The following GLYR1 variants were observed in gnomAD, a reference collection of about 807,000 sequenced individuals.
The protein encoded by GLYR1 is glyoxylate reductase 1 homolog.
Under a neutral mutation model 72.7 loss-of-function variants are expected in GLYR1, and 21 were observed. The observed-to-expected ratio is 0.29, with a 90% CI of 0.20 to 0.42. GLYR1 has a LOEUF of 0.42. GLYR1 is among the 10% of genes least tolerant of loss of function. The probability of loss-of-function intolerance (pLI) is 1.00; values close to 1 mark genes in which losing one functional copy is unlikely to be tolerated. For synonymous variants in GLYR1, 392 were observed against 270.2 expected, an observed-to-expected ratio of 1.45 and a Z score of -4.42; for missense variants, 594 against 712.1, an observed-to-expected ratio of 0.83 and a Z score of 1.89.
At chr16:4,816,273 A>T (rs2083636325) in intron 10 of GLYR1, among the ~76,000 whole-genome samples, 1 of 151,956 alleles carries the variant, frequency 6.6e-6, no homozygotes, top group Non-Finnish European at 1.5e-5. Context: ...CCTCCCAAGT[A>T]GCTGGGACTA....
At chr16:4,838,857 G>A (rs1272721280) in intron 3 of GLYR1, among the ~76,000 whole-genome samples, 1 of 152,034 alleles carries the variant, frequency 6.6e-6, no homozygotes, top group African/African-American at 2.4e-5. Context: ...AAAGTTCTGG[G>A]ATTACAGATG....
intron 5 of GLYR1, among the ~76,000 whole-genome samples, chr16:4,829,791 T>C (rs1596367751): frequency 6.6e-6 from 1 of 152,064 alleles, no homozygotes; most frequent in Admixed American, 6.6e-5. Flanking sequence ...TCCTGCCTCA[T>C]CCTCCCGAGT....
intron 3 of GLYR1, among the ~76,000 whole-genome samples, chr16:4,833,965 C>A (rs928846967): frequency 1.3e-5 from 2 of 152,180 alleles, no homozygotes; most frequent in African/African-American, 2.4e-5. Flanking sequence ...AAAAGTAGGT[C>A]AGGTTAAGGA....
intron 3 of GLYR1, among the ~76,000 whole-genome samples, chr16:4,842,908 C>T (rs2085669622): frequency 6.6e-6 from 1 of 152,020 alleles, no homozygotes; most frequent in African/African-American, 2.4e-5. Flanking sequence ...CCATGTTGGC[C>T]AGGCTGTTCT....
chr16:4,829,180 G>A (rs542196862), intron 5 of GLYR1, among the ~76,000 whole-genome samples: 1 of 152,192 alleles, frequency 6.6e-6, no homozygotes, highest in African/African-American at 2.4e-5. Flanking sequence ...CTAACAGTGA[G>A]AAGGGCTGTC....
chr16:4,833,623 C>T (rs1249901216), intron 3 of GLYR1, among the ~76,000 whole-genome samples: 1 of 146,478 alleles, frequency 6.8e-6, no homozygotes, highest in Admixed American at 6.9e-5. Context: ...AACAAGATGG[C>T]ATGCTGTTTT....
At chr16:4,829,256 A>C (rs941521677) in intron 5 of GLYR1, among the ~76,000 whole-genome samples, 142 of 151,962 alleles carry the variant, frequency 9.3e-4, no homozygotes, top group African/African-American at 3.4e-3. Flanking sequence ...CATATTTTTG[A>C]ACTAAGCACA....
intron 15 of GLYR1, among the ~76,000 whole-genome samples, chr16:4,810,709 A>G (rs1161566915): frequency 8.2e-6 from 1 of 122,282 alleles, no homozygotes; most frequent in Non-Finnish European, 1.9e-5. Flanking sequence ...TAAAAAAAAA[A>G]AAAAAAAAAA....
chr16:4,815,395 C>G (rs2083573735), intron 10 of GLYR1, among the ~76,000 whole-genome samples: 1 of 151,894 alleles, frequency 6.6e-6, no homozygotes, highest in African/African-American at 2.4e-5. Flanking sequence ...TTTCATAATT[C>G]TGGCATAATT....
chr16:4,827,848 C>T (rs1194582455), intron 5 of GLYR1, among the ~76,000 whole-genome samples: 1 of 151,586 alleles, frequency 6.6e-6, no homozygotes, highest in Non-Finnish European at 1.5e-5. Context: ...TGCAGTGAGC[C>T]GAGATTGCGC....
In GLYR1 at chr16:4,832,176, T is replaced by A. The variant is rs374363107; in HGVS notation, c.340A>T (p.Ser114Cys). 161 of 1,614,028 alleles carry A rather than the reference T, an allele frequency of 1.0e-4. No individual in the cohort carries two copies. Among genetic ancestry groups the A allele is most frequent in the Non-Finnish European group, 1.4e-4 (160 of 1,180,038 alleles). The change falls in exon 5 of 16, where the codon AGT (serine) becomes TGT (cysteine). Residue 114 changes from serine (S) to cysteine (C), a missense_variant. Physicochemically the swap from Ser to Cys is moderately radical, Grantham distance 112. This residue lies in a region of GLYR1 where 252 missense variants were observed against 211.3 expected (regional missense o/e 1.19). Transcript: ENST00000321919. ...SSDDKNRRNS[S>C]EERSRPNSGD... ...GAGTTTGGCCTACTTCTCTCCTCAC[T>A]GGAATTACGTCGATTCTTGTCATCA...
At chr16:4,811,040 G>A in intron 15 of GLYR1, 130 bp downstream of exon 15, 1 of 1,141,072 alleles carries the variant, frequency 8.8e-7, no homozygotes, top group African/African-American at 1.6e-5. Context: ...AGGAGGCGGA[G>A]GTTGCATTGA....
Position 4,821,123 on chromosome 16 carries a change from C to T in GLYR1, c.806+257G>A, listed in dbSNP as rs2083994018. On this transcript the variant is annotated intron_variant, in intron 9 of 15. Coordinates refer to ENST00000321919, the MANE Select transcript of GLYR1 (RefSeq NM_032569.4). Reference sequence around the variant, plus strand: ...CAGGCACAGGAAAGTCTGAGAACCACTGAGCCAAGTGCTCCTTGCTCTTGA... The same window carrying T: ...CAGGCACAGGAAAGTCTGAGAACCATTGAGCCAAGTGCTCCTTGCTCTTGA... 5.4e-6 allele frequency: 3 copies of T among 557,906 alleles called. No individual in the cohort carries two copies. The South Asian group carries it at 6.6e-5, about 12-fold the overall frequency. 34.6% of individuals were successfully genotyped at this position (557,906 alleles called of 1,614,324 possible). A position where few individuals can be genotyped will look rare whatever the true frequency, so the allele number is the denominator to read the frequency against.
Position 4,817,797 on chromosome 16 carries a change from G to T in GLYR1, c.807-100C>A. The T allele has an allele frequency of 5.2e-6, 4 of 770,280 alleles. No homozygotes were observed. In the South Asian group the frequency reaches 6.1e-5, roughly 12 times the overall value. The allele number at this position is 770,280 out of a possible 1,614,324, so 47.7% of individuals were successfully genotyped here. A position where few individuals can be genotyped will look rare whatever the true frequency, so the allele number is the denominator to read the frequency against. ...GGCTCGCTCCCTTATACAGCTTGGG[G>T]TAGGGGAATTCAGACTGCCAGAAAC... On this transcript the variant is annotated intron_variant, in intron 9 of 15. Coordinates refer to ENST00000321919, the MANE Select transcript of GLYR1 (RefSeq NM_032569.4).
In GLYR1 at chr16:4,804,823, C is replaced by CT; in HGVS notation, c.*412dup. On this transcript the variant is annotated 3_prime_UTR_variant, in exon 16 of 16. Transcript: ENST00000321919. The stretch of plus-strand genomic sequence containing the variant: ...GGAAGCTGTGGGAAGGCTTCCAACT[C>CT]TCGTTGCTGATTCTAGTTCCTTGAC... The CT allele has an allele frequency of 4.7e-6, 1 of 213,886 alleles. No homozygotes were observed. Among genetic ancestry groups the CT allele is most frequent in the East Asian group, 9.6e-5 (1 of 10,378 alleles). 13.2% of individuals were successfully genotyped at this position (213,886 alleles called of 1,614,324 possible).
intron 15 of GLYR1, among the ~76,000 whole-genome samples, chr16:4,809,015 T>A (rs1351686038): frequency 1.3e-5 from 2 of 151,978 alleles, no homozygotes; most frequent in East Asian, 3.8e-4. Flanking sequence ...ATTTGAAAAA[T>A]GCTAATAGAC....
At chr16:4,811,540 C>A in intron 14 of GLYR1, 83 bp downstream of exon 14, 1 of 1,530,600 alleles carries the variant, frequency 6.5e-7, no homozygotes, top group South Asian at 1.1e-5. Context: ...GGAGGGGCAT[C>A]TTTCACGCTC....
At chr16:4,840,075 CT>C (rs1377149177) in intron 3 of GLYR1, 1 of 152,294 alleles carries the variant, frequency 6.6e-6, no homozygotes, top group East Asian at 1.9e-4. Flanking sequence ...CCACTTATGG[CT>C]TTGTCTTCAC....
chr16:4,829,629 G>A (rs1375000506), intron 5 of GLYR1, among the ~76,000 whole-genome samples: 1 of 151,570 alleles, frequency 6.6e-6, no homozygotes, highest in Non-Finnish European at 1.5e-5. Context: ...GGGGACTACA[G>A]GCACACACCA....
Sources: allele counts gnomAD v4.1 joint callset (sites outside exome capture counted in the v4.1 genomes callset), GRCh38; gene constraint gnomAD v4.1.1; regional missense constraint gnomAD v4.1.1; transcripts MANE v1.5; gene names NCBI Gene and HGNC (gene_info 2026-07-23, HGNC 2026-07-21).